ATP9B: variants seen among roughly 807,000 people sequenced by gnomAD.
ATP9B encodes ATPase phospholipid transporting 9B.
Under a neutral mutation model 146.1 loss-of-function variants are expected in ATP9B, and 110 were observed. The observed-to-expected ratio is 0.75, with a 90% CI of 0.65 to 0.88. ATP9B has a LOEUF of 0.88. Among genes scored for constraint, ATP9B ranks in the 40% least tolerant of loss-of-function variants. The pLI is 0.00. For missense variants in ATP9B, 1,499 were observed against 1,496.4 expected, an observed-to-expected ratio of 1.00 and a Z score of -0.03; for synonymous variants, 604 against 569.7, an observed-to-expected ratio of 1.06 and a Z score of -0.86.
chr18:79,154,456 T>C (rs1007610769), intron 6 of ATP9B, 48 bp from the exon 7 acceptor site: 5 of 1,337,646 alleles, frequency 3.7e-6, no homozygotes, highest in African/African-American at 3.1e-5. Context: ...TTGTGTTAAT[T>C]TGTAAACCTG....
intron 11 of ATP9B, among the ~76,000 whole-genome samples, chr18:79,229,089 A>G (rs80022537): frequency 0.018 from 2,718 of 152,322 alleles, 36 homozygotes; most frequent in Non-Finnish European, 0.027. Flanking sequence ...TATGACTTCT[A>G]AGTTATATAA....
chr18:79,370,466 T>A (rs1452191777), intron 26 of ATP9B, among the ~76,000 whole-genome samples: 2 of 152,098 alleles, frequency 1.3e-5, no homozygotes, highest in African/African-American at 4.8e-5. Flanking sequence ...CTAAACCAAA[T>A]GAAGAGGTAC....
At chr18:79,223,057 T>C (rs2095695996) in intron 11 of ATP9B, among the ~76,000 whole-genome samples, 2 of 152,362 alleles carry the variant, frequency 1.3e-5, no homozygotes, top group East Asian at 1.9e-4. Flanking sequence ...CTTGGGTATA[T>C]TGATTTGTGT....
chr18:79,158,395 C>T (rs1336147650), intron 7 of ATP9B, among the ~76,000 whole-genome samples: 1 of 152,094 alleles, frequency 6.6e-6, no homozygotes, highest in African/African-American at 2.4e-5. Flanking sequence ...AAGCAGTTCT[C>T]TTGCCTCAGC....
chr18:79,113,315 A>T lies in ATP9B; in HGVS notation c.519A>T (p.Ala173=). 1 of 1,599,760 alleles carries T rather than the reference A, an allele frequency of 6.3e-7. No individual in the cohort carries two copies. The highest frequency in any genetic ancestry group is 8.6e-7 in the Non-Finnish European group (1 of 1,168,738). ...TATCCTGCTCACAGTTTGTACCAGC[A>T]TTGAAAATAGGCTATCTCTACACCT... ...LVISCSQFVP[A]LKIGYLYTYW... Residue 173 remains alanine, a synonymous_variant, in exon 4 of 30, where the codon GCA becomes GCT. Transcript: ENST00000426216.
intron 12 of ATP9B, among the ~76,000 whole-genome samples, chr18:79,274,635 C>T (rs1218932399): frequency 6.6e-6 from 1 of 152,124 alleles, no homozygotes; most frequent in Non-Finnish European, 1.5e-5. Context: ...GTATTACATA[C>T]TCCCTATGTG....
chr18:79,174,020 C>T (rs959874392), intron 7 of ATP9B: 5 of 325,748 alleles, frequency 1.5e-5, no homozygotes, highest in African/African-American at 8.8e-5. Context: ...TTTCTTGATA[C>T]CCGAGGAATT....
chr18:79,256,257 C>CTATATATACATATATA (rs2096076376), intron 12 of ATP9B, among the ~76,000 whole-genome samples: 1 of 100,398 alleles, frequency 1.0e-5, no homozygotes, highest in African/African-American at 4.6e-5. Context: ...TTCTAGCTAG[C>CTATATATACATATATA]TATATATATA....
intron 4 of ATP9B, among the ~76,000 whole-genome samples, chr18:79,116,940 T>TAAAAAAAAAAAAAAAAAAAAAAATA (rs377608135): frequency 1.9e-5 from 2 of 106,780 alleles, no homozygotes; most frequent in African/African-American, 3.6e-5. Flanking sequence ...AAAAAAAAAT[T>TAAAAAAAAAAAAAAAAAAAAAAATA]AAAAAAAAAA....
chr18:79,247,366 A>G (rs1326510302), intron 11 of ATP9B, among the ~76,000 whole-genome samples: 1 of 152,228 alleles, frequency 6.6e-6, no homozygotes. Context: ...ATGGACAATT[A>G]TAAAAAATTC....
chr18:79,278,294 C>T (rs1003384408), intron 13 of ATP9B, among the ~76,000 whole-genome samples: 2 of 152,144 alleles, frequency 1.3e-5, no homozygotes, highest in African/African-American at 4.8e-5. Context: ...TCGAGTGGTG[C>T]GGTAGCTTCA....
Position 79,375,307 on chromosome 18 carries a change from ATT to A in ATP9B, c.3275-85_3275-84del, listed in dbSNP as rs1486507406. The A allele has an allele frequency of 2.4e-6, 3 of 1,241,064 alleles. No individual in the cohort carries two copies. In the African/African-American group the frequency reaches 4.5e-5, roughly 19 times the overall value. 76.9% of individuals were successfully genotyped at this position (1,241,064 alleles called of 1,614,324 possible). On this transcript the variant is annotated intron_variant, in intron 28 of 29. Coordinates refer to ENST00000426216, the MANE Select transcript of ATP9B (RefSeq NM_198531.5). The stretch of plus-strand genomic sequence containing the variant: ...CTGCCATTTTATTGCTTTTTAATGT[ATT>A]TCTTATTCTTTTGCTAACCCCTTGA...
chr18:79,346,819 GGTCAGCACACA>G (rs1039705873), intron 23 of ATP9B, among the ~76,000 whole-genome samples: 1 of 152,222 alleles, frequency 6.6e-6, no homozygotes, highest in African/African-American at 2.4e-5. Flanking sequence ...CAACACGTGT[GGTCAGCACACA>G]GTCAGCACAG....
intron 9 of ATP9B, 42 bp downstream of exon 9, chr18:79,193,305 T>C (rs1236385183): frequency 6.7e-7 from 1 of 1,483,796 alleles, no homozygotes; most frequent in African/African-American, 1.4e-5. Flanking sequence ...AGTTATTGTG[T>C]AAGTTAAAAG....
At chr18:79,228,386 G>C (rs1240817816) in intron 11 of ATP9B, among the ~76,000 whole-genome samples, 1 of 152,196 alleles carries the variant, frequency 6.6e-6, no homozygotes, top group East Asian at 1.9e-4. Flanking sequence ...AATTCCGCTA[G>C]TACCAAACTC....
chr18:79,310,877 A>G (rs949255350), intron 15 of ATP9B, among the ~76,000 whole-genome samples: 2 of 152,114 alleles, frequency 1.3e-5, no homozygotes, highest in African/African-American at 2.4e-5. Context: ...GGGGCCAGGC[A>G]TGGTGGGTCA....
Position 79,307,067 on chromosome 18 carries a change from A to C in ATP9B, c.1606A>C (p.Ser536Arg). Reference sequence around the variant, plus strand: ...ATCTTCAGCTCCCAAAGTTAGGAAAAGTGTCAGTAGTCGAATCCATGAAGC... The same window carrying C: ...ATCTTCAGCTCCCAAAGTTAGGAAACGTGTCAGTAGTCGAATCCATGAAGC... ...AQSSAPKVRK[S>R]VSSRIHEAVK... Residue 536 changes from serine (S) to arginine (R), a missense_variant, in exon 15 of 30, where the codon AGT becomes CGT. Ser to Arg is a moderately radical substitution (Grantham distance 110). Transcript: ENST00000426216. 1.2e-6 allele frequency: 2 copies of C among 1,614,228 alleles called. No homozygotes were observed. The highest frequency in any genetic ancestry group is 2.2e-5 in the East Asian group (1 of 44,890).
At position 79,219,644 on chromosome 18, in the gene ATP9B, T is replaced by C. The variant is rs1411728579; in HGVS notation, c.1107+5606T>C. Among the ~76,000 whole-genome samples, 6 of 152,174 alleles carry C rather than the reference T, an allele frequency of 3.9e-5. No individual in the cohort carries two copies. In the South Asian group the frequency reaches 8.3e-4, roughly 21 times the overall value. On this transcript the variant is annotated intron_variant, in intron 11 of 29. Transcript: ENST00000426216. ...TCAAGTCTATCAGTATGTCACTCTTTCTGTCTCCCTCCCCTCTTCTCTTTC... is the reference window on the plus strand; with the variant it reads ...TCAAGTCTATCAGTATGTCACTCTTCCTGTCTCCCTCCCCTCTTCTCTTTC...
At chr18:79,219,614 A>C (rs1432739314) in intron 11 of ATP9B, among the ~76,000 whole-genome samples, 1 of 152,084 alleles carries the variant, frequency 6.6e-6, no homozygotes, top group African/African-American at 2.4e-5. Flanking sequence ...TTTGTAGAAA[A>C]TATTTCAAGT....
Sources: allele counts gnomAD v4.1 joint callset (sites outside exome capture counted in the v4.1 genomes callset), GRCh38; gene constraint gnomAD v4.1.1; transcripts MANE v1.5; gene names NCBI Gene and HGNC (gene_info 2026-07-23, HGNC 2026-07-21).